YTHDF2: variants seen among roughly 807,000 people sequenced by gnomAD.
YTHDF2 encodes YTH domain-containing family protein 2.
A neutral mutation model predicts 50.4 loss-of-function variants in YTHDF2; 2 were observed. The observed-to-expected ratio is 0.04, with a 90% CI of 0.02 to 0.12. YTHDF2 has a LOEUF of 0.12. YTHDF2 is among the 10% of genes least tolerant of loss of function. YTHDF2 has a pLI of 1.00. For missense variants in YTHDF2, 483 were observed against 722.6 expected, an observed-to-expected ratio of 0.67 and a Z score of 3.80; for synonymous variants, 217 against 255.6, an observed-to-expected ratio of 0.85 and a Z score of 1.44.
Position 28,743,070 on chromosome 1 carries a change from C to A in YTHDF2, c.800C>A (p.Pro267His). ...ATTGCAGGGTCAAGTCTTCCGCCAC[C>A]CCCGATAAAGCATAACATGGATATT... ...NGIAGSSLPP[P>H]PIKHNMDIGT... The change falls in exon 4 of 5, where the codon CCC (proline) becomes CAC (histidine). Residue 267 changes from proline (P) to histidine (H), a missense_variant. Pro to His is a moderately conservative substitution (Grantham distance 77). This residue lies in a region of YTHDF2 where 385 missense variants were observed against 475.8 expected (regional missense o/e 0.81). Transcript: ENST00000373812. The surrounding 1 kb of genome is among the most constrained non-coding windows in gnomAD (Gnocchi z 6.9). 1.2e-6 allele frequency: 2 copies of A among 1,614,158 alleles called. No individual in the cohort carries two copies. The highest frequency in any genetic ancestry group is 1.7e-6 in the Non-Finnish European group (2 of 1,180,040).
Position 28,743,608 on chromosome 1 carries a change from T to C in YTHDF2, c.1338T>C (p.Tyr446=). 6.2e-7 allele frequency: 1 copy of C among 1,614,182 alleles called. No homozygotes were observed. Among genetic ancestry groups the C allele is most frequent in the Admixed American group, 1.7e-5 (1 of 60,014 alleles). ...GTAACAAGAGACTGGATGCTGCTTA[T>C]CGTTCCATGAACGGGAAAGGCCCCG... ...EHGNKRLDAA[Y]RSMNGKGPVY... Residue 446 remains tyrosine (Y), a synonymous_variant, in exon 4 of 5, where the codon TAT becomes TAC. Coordinates refer to ENST00000373812, the MANE Select transcript of YTHDF2 (RefSeq NM_016258.3). This position sits in a 1 kb window ranked among gnomAD's most constrained non-coding sequence, Gnocchi z 6.9.
At position 28,741,004 on chromosome 1, in the gene YTHDF2, A is replaced by G. The variant is rs569232316; in HGVS notation, c.133-1399A>G. Among the ~76,000 whole-genome samples, 14 of 141,948 alleles carry G rather than the reference A, an allele frequency of 9.9e-5. No individual in the cohort carries two copies. In the South Asian group the frequency reaches 2.5e-3, roughly 25 times the overall value. The allele number at this position is 141,948 out of a possible 152,430, so 93.1% of individuals were successfully genotyped here. On this transcript the variant is annotated intron_variant, in intron 3 of 4. Transcript: ENST00000373812. ...CAGGTGTGAGCCACCGCGCCCGGCT[A>G]TTTATTTTTTTTGAGACGGAGTCTT...
rs1048242412 is a variant in YTHDF2 at position 28,762,929 on chromosome 1, T to G, written c.1717-6000T>G. ...CTTGGCTCACCCGGGTTCAAGTGAT[T>G]GATTCTCCTGCCTCAGCCTCCTGAA... is the stretch of plus-strand genomic sequence containing the variant. On this transcript the variant is annotated intron_variant, in intron 4 of 4. Coordinates refer to ENST00000373812, the MANE Select transcript of YTHDF2 (RefSeq NM_016258.3). Among the ~76,000 whole-genome samples the G allele has an allele frequency of 5.9e-5, 9 of 151,976 alleles. 1 individual carries two copies. The East Asian group carries it at 1.6e-3, about 26-fold the overall frequency.
intron 3 of YTHDF2, among the ~76,000 whole-genome samples, chr1:28,741,162 T>G (rs2087770105): frequency 6.6e-6 from 1 of 152,108 alleles, no homozygotes; most frequent in Middle Eastern, 3.2e-3. Context: ...CACGCCTGGC[T>G]AATTTTTGTA....
rs141040818 is a variant in YTHDF2, at chr1:28,768,228, T to A, written c.1717-701T>A. 5.0e-3 allele frequency among the ~76,000 whole-genome samples: 767 copies of A among 152,210 alleles called. 2 individuals carry two copies. Among genetic ancestry groups the A allele is most frequent in the Non-Finnish European group, 7.9e-3 (536 of 68,000 alleles). On this transcript the variant is annotated intron_variant, in intron 4 of 4. Coordinates refer to ENST00000373812, the MANE Select transcript of YTHDF2 (RefSeq NM_016258.3). ...GAAAAAAAAATTTTTTTTAAAATTC[T>A]GTGCATGAAGTAATGTGTGAAATGG...
At chr1:28,756,486 T>C (rs2088037649) in intron 4 of YTHDF2, among the ~76,000 whole-genome samples, 1 of 152,160 alleles carries the variant, frequency 6.6e-6, no homozygotes, top group African/African-American at 2.4e-5. Flanking sequence ...CAAACAAAAC[T>C]TTTCTTGGAA....
rs1241330145 is a variant in YTHDF2 at position 28,769,099 on chromosome 1, CAA to C, written c.*150_*151del. The C allele has an allele frequency of 1.9e-6, 1 of 521,826 alleles. No homozygotes were observed. The highest frequency in any genetic ancestry group is 3.6e-5 in the East Asian group (1 of 27,704). 32.3% of individuals were successfully genotyped at this position (521,826 alleles called of 1,614,324 possible). On this transcript the variant is annotated 3_prime_UTR_variant, in exon 5 of 5. Coordinates refer to ENST00000373812, the MANE Select transcript of YTHDF2 (RefSeq NM_016258.3). ...TTGCAGTTTAAGTATTGGAATTTCA[CAA>C]AAGACATAGGACTTAACTGGAAAAT...
rs2124622638 is a variant in YTHDF2 at position 28,737,076 on chromosome 1, T to TGAGGAGAGTTCGCCGCCGTCGCC, written c.-43_-21dup. The TGAGGAGAGTTCGCCGCCGTCGCC allele has an allele frequency of 6.3e-7, 1 of 1,575,674 alleles. No individual in the cohort carries two copies. The highest frequency in any genetic ancestry group is 2.3e-5 in the East Asian group (1 of 42,786). ...GGCTCATCTGCCGCCGCCGCCGCGC[T>TGAGGAGAGTTCGCCGCCGTCGCC]GAGGAGAGTTCGCCGCCGTCGCCGC... On this transcript the variant is annotated 5_prime_UTR_variant, in exon 1 of 5. Transcript: ENST00000373812.
intron 4 of YTHDF2, among the ~76,000 whole-genome samples, chr1:28,761,026 C>T (rs780542171): frequency 1.3e-5 from 2 of 151,682 alleles, no homozygotes; most frequent in Non-Finnish European, 2.9e-5. Flanking sequence ...GCTTCGACAT[C>T]GCTAGGTGAT....
Position 28,737,044 on chromosome 1 carries a change from C to T in YTHDF2, c.-77C>T. On this transcript the variant is annotated 5_prime_UTR_variant, in exon 1 of 5. Transcript: ENST00000373812. ...GGACAAAAGCCTCCGCCTGCTCCCGCAGACGGGGCTCATCTGCCGCCGCCG... is the reference window on the plus strand; with the variant it reads ...GGACAAAAGCCTCCGCCTGCTCCCGTAGACGGGGCTCATCTGCCGCCGCCG... 6.5e-7 allele frequency: 1 copy of T among 1,535,532 alleles called. No homozygotes were observed. The highest frequency in any genetic ancestry group is 8.8e-7 in the Non-Finnish European group (1 of 1,138,590).
chr1:28,738,221 G>A, intron 2 of YTHDF2, 38 bp from the exon 3 acceptor site: 1 of 1,514,964 alleles, frequency 6.6e-7, no homozygotes, highest in South Asian at 1.1e-5. Context: ...GAAGATTGTA[G>A]GATTGGGACA....
chr1:28,737,632 C>G, intron 1 of YTHDF2, 26 bp from the exon 2 acceptor site: 1 of 1,613,804 alleles, frequency 6.2e-7, no homozygotes, highest in Non-Finnish European at 8.5e-7. Flanking sequence ...CAACTTGCTG[C>G]TCGGCGACGT....
intron 4 of YTHDF2, among the ~76,000 whole-genome samples, chr1:28,758,805 C>T (rs190926494): frequency 9.9e-5 from 15 of 152,234 alleles, no homozygotes; most frequent in Admixed American, 3.3e-4. Context: ...TAGTTGAGGT[C>T]GGTGGGCCTG....
intron 4 of YTHDF2, among the ~76,000 whole-genome samples, chr1:28,753,703 T>C (rs894219091): frequency 1.3e-5 from 2 of 150,950 alleles, no homozygotes; most frequent in Non-Finnish European, 3.0e-5. Flanking sequence ...AGGATTTTAT[T>C]CTTTTTTTTT....
chr1:28,765,885 G>A (rs1317646961), intron 4 of YTHDF2, among the ~76,000 whole-genome samples: 2 of 152,120 alleles, frequency 1.3e-5, no homozygotes, highest in African/African-American at 4.8e-5. Context: ...TTTCTCCTAG[G>A]TATTTTAGTG....
chr1:28,751,909 A>C (rs942374398), intron 4 of YTHDF2, among the ~76,000 whole-genome samples: 1 of 152,266 alleles, frequency 6.6e-6, no homozygotes, highest in Admixed American at 6.5e-5. Flanking sequence ...ATAAGTAATA[A>C]TAGAATGATA....
intron 4 of YTHDF2, among the ~76,000 whole-genome samples, chr1:28,767,573 A>G (rs2088236968): frequency 1.3e-5 from 2 of 151,984 alleles, no homozygotes; most frequent in South Asian, 4.2e-4. Context: ...CAGTGGCACG[A>G]TCTCGGCTCA....
chr1:28,761,126 TGTGTA>T (rs1422665726), intron 4 of YTHDF2, among the ~76,000 whole-genome samples: 58 of 116,590 alleles, frequency 5.0e-4, no homozygotes, highest in African/African-American at 2.0e-3. Context: ...TGTGTGTGTG[TGTGTA>T]TTTTTTTTTT....
At chr1:28,754,344 A>G (rs538182211) in intron 4 of YTHDF2, among the ~76,000 whole-genome samples, 122 of 152,154 alleles carry the variant, frequency 8.0e-4, no homozygotes, top group Non-Finnish European at 1.5e-3. Context: ...CCTGGCCAAC[A>G]TGGCGAAACA....
Sources: gnomAD v4.1 joint callset for allele counts (sites outside exome capture counted in the v4.1 genomes callset) on GRCh38, gnomAD v4.1.1 for gene constraint, gnomAD v4.1.1 regional missense constraint, Gnocchi (gnomAD v3.1) non-coding constraint, MANE v1.5 for transcripts, NCBI Gene and HGNC (gene_info 2026-07-23, HGNC 2026-07-21) for gene names.